Variants in SHISA9 observed in about 807,000 individuals in gnomAD.
SHISA9 encodes the protein shisa family member 9, also known as protein shisa-9.
In SHISA9, 13 loss-of-function variants were observed where a neutral mutation model predicts 38.0. The observed-to-expected ratio is 0.34, with a 90% CI of 0.22 to 0.54. The LOEUF is 0.54. Among genes scored for constraint, SHISA9 ranks in the 20% least tolerant of loss-of-function variants. The pLI is 0.91. For missense variants in SHISA9, 538 were observed against 575.8 expected, an observed-to-expected ratio of 0.93 and a Z score of 0.67; for synonymous variants, 275 against 242.0, an observed-to-expected ratio of 1.14 and a Z score of -1.27.
the SHISA9 span, among the ~76,000 whole-genome samples, chr16:13,252,799 C>T: frequency 2.2e-3 from 332 of 152,270 alleles, no homozygotes; most frequent in East Asian, 6.0e-3. Flanking sequence ...CCACCTACCA[C>T]GGTACCTGGA....
the SHISA9 span, among the ~76,000 whole-genome samples, chr16:13,304,196 T>C: frequency 6.6e-6 from 1 of 152,326 alleles, no homozygotes; most frequent in East Asian, 1.9e-4. Context: ...GGTTTTTCAA[T>C]TTCTAGTTCC....
intron 2 of SHISA9, among the ~76,000 whole-genome samples, chr16:13,005,332 C>G (rs2072584779): frequency 6.6e-6 from 1 of 152,060 alleles, no homozygotes; most frequent in Non-Finnish European, 1.5e-5. Flanking sequence ...AGATCAGCTG[C>G]TAAGGAAATA....
the SHISA9 span, among the ~76,000 whole-genome samples, chr16:13,488,494 T>C: frequency 6.6e-6 from 1 of 152,314 alleles, no homozygotes; most frequent in East Asian, 1.9e-4. Context: ...AATATTCCCA[T>C]AAGATTATAG....
intron 2 of SHISA9, among the ~76,000 whole-genome samples, chr16:12,927,905 C>G (rs1203795091): frequency 1.3e-5 from 2 of 152,156 alleles, no homozygotes; most frequent in African/African-American, 4.8e-5. Context: ...GTATACCACA[C>G]TTCTGGTTTC....
chr16:12,940,553 C>T (rs1306515302), intron 2 of SHISA9, among the ~76,000 whole-genome samples: 4 of 152,148 alleles, frequency 2.6e-5, no homozygotes, highest in East Asian at 1.9e-4. Context: ...GGGAAAGACA[C>T]AGAGGCAGAA....
the SHISA9 span, among the ~76,000 whole-genome samples, chr16:13,560,654 C>G: frequency 2.0e-5 from 3 of 151,736 alleles, no homozygotes; most frequent in East Asian, 5.8e-4. Flanking sequence ...GTGAAAAACT[C>G]CTAATCCTCA....
intron 2 of SHISA9, among the ~76,000 whole-genome samples, chr16:13,134,731 T>C (rs2050333733): frequency 6.6e-6 from 1 of 152,010 alleles, no homozygotes; most frequent in South Asian, 2.1e-4. Context: ...CTAGGCTAAG[T>C]TATGTTGCCA....
the SHISA9 span, among the ~76,000 whole-genome samples, chr16:13,399,370 A>G: frequency 6.6e-6 from 1 of 152,194 alleles, no homozygotes; most frequent in South Asian, 2.1e-4. Context: ...TAAATGGCCA[A>G]GGTTTTACCT....
intron 2 of SHISA9, among the ~76,000 whole-genome samples, chr16:12,961,413 G>A (rs1422640347): frequency 1.3e-5 from 2 of 152,214 alleles, no homozygotes; most frequent in Non-Finnish European, 2.9e-5. Flanking sequence ...AACACAGTCA[G>A]AATTCCATTT....
chr16:13,503,129 C>G, the SHISA9 span, among the ~76,000 whole-genome samples: 1 of 152,062 alleles, frequency 6.6e-6, no homozygotes, highest in South Asian at 2.1e-4. Context: ...AAAATAATGT[C>G]TCAGGTAGTT....
the SHISA9 span, among the ~76,000 whole-genome samples, chr16:13,442,418 C>G: frequency 6.6e-6 from 1 of 152,084 alleles, no homozygotes; most frequent in Admixed American, 6.6e-5. Flanking sequence ...AGTGATTCTC[C>G]TGCCTCAGCC....
At chr16:13,289,559 G>A in the SHISA9 span, among the ~76,000 whole-genome samples, 1 of 151,840 alleles carries the variant, frequency 6.6e-6, no homozygotes, top group African/African-American at 2.4e-5. Flanking sequence ...AACCCCAAGA[G>A]GATCAGACAA....
At chr16:13,045,678 C>A (rs1401642490) in intron 2 of SHISA9, among the ~76,000 whole-genome samples, 1 of 151,852 alleles carries the variant, frequency 6.6e-6, no homozygotes, top group African/African-American at 2.4e-5. Context: ...TAATTTCAGA[C>A]CCAGATAAGT....
the SHISA9 span, among the ~76,000 whole-genome samples, chr16:13,527,536 A>C: frequency 6.6e-6 from 1 of 152,222 alleles, no homozygotes; most frequent in Admixed American, 6.6e-5. Context: ...GTTAAATATA[A>C]GGTAGTGGCG....
Position 13,235,616 on chromosome 16 carries a change from G to C in SHISA9, c.*207G>C. 1 of 615,622 alleles carries C rather than the reference G, an allele frequency of 1.6e-6. No individual in the cohort carries two copies. Among genetic ancestry groups the C allele is most frequent in the Non-Finnish European group, 2.7e-6 (1 of 367,414 alleles). 38.1% of individuals were successfully genotyped at this position (615,622 alleles called of 1,614,324 possible). On this transcript the variant is annotated 3_prime_UTR_variant, in exon 5 of 5. Transcript: ENST00000558583. ...TGTCGGCGGGCAGCTGAGAAAGACC[G>C]AAGCGTGGACATTCAGCAATACAGC...
Position 12,958,686 on chromosome 16 carries a change from G to T in SHISA9, c.691+41871G>T, listed in dbSNP as rs12919658. On this transcript the variant is annotated intron_variant, in intron 2 of 4. Coordinates refer to ENST00000558583, the MANE Select transcript of SHISA9 (RefSeq NM_001145204.3). ...GTTTTCAAAGCCCTTTTCATCTGTT[G>T]TTCCACAGTCACTACATGAGGTCAG... 7.3e-3 allele frequency among the ~76,000 whole-genome samples: 1,106 copies of T among 152,188 alleles called. 14 individuals carry two copies. Among genetic ancestry groups the T allele is most frequent in the Non-Finnish European group, 8.2e-3 (558 of 68,000 alleles).
At chr16:13,019,759 C>CTTTCT (rs1300473087) in intron 2 of SHISA9, among the ~76,000 whole-genome samples, 15 of 147,356 alleles carry the variant, frequency 1.0e-4, no homozygotes, top group East Asian at 2.1e-4. Flanking sequence ...CTTTTCTTTT[C>CTTTCT]TTTCTTTTCT....
intron 2 of SHISA9, among the ~76,000 whole-genome samples, chr16:13,196,089 A>G (rs1217709513): frequency 1.2e-5 from 1 of 86,420 alleles, no homozygotes. Flanking sequence ...CTCTCTCTCA[A>G]AAAAAAAAAA....
At chr16:13,008,747 T>C (rs1177757376) in intron 2 of SHISA9, among the ~76,000 whole-genome samples, 3 of 150,416 alleles carry the variant, frequency 2.0e-5, no homozygotes. Context: ...TCCACCATGA[T>C]TGTAAGTTTC....
Sources: gnomAD v4.1 joint callset for allele counts (sites outside exome capture counted in the v4.1 genomes callset) on GRCh38, gnomAD v4.1.1 for gene constraint, MANE v1.5 for transcripts, NCBI Gene and HGNC (gene_info 2026-07-23, HGNC 2026-07-21) for gene names.